Variants in ANKRD30BL observed in about 807,000 individuals in gnomAD.
ANKRD30BL encodes the protein ankyrin repeat domain 30B like, also known as putative ankyrin repeat domain-containing protein 30B-like.
Under a neutral mutation model 18.4 loss-of-function variants are expected in ANKRD30BL, and 20 were observed. That is an observed-to-expected ratio of 1.09 (90% CI 0.77 to 1.58). The LOEUF is 1.58. Ranked by LOEUF, ANKRD30BL falls within the 40% of genes most tolerant of loss-of-function variation. The pLI, the probability that ANKRD30BL is intolerant of heterozygous loss-of-function variation, is 0.00. For missense variants in ANKRD30BL, 224 were observed against 268.6 expected (o/e 0.83, Z 1.16); for synonymous variants, 72 against 100.9 (o/e 0.71, Z 1.72).
intron 1 of ANKRD30BL, among the ~76,000 whole-genome samples, chr2:132,191,304 T>C (rs1678844738): frequency 6.6e-6 from 1 of 152,224 alleles, no homozygotes; most frequent in Non-Finnish European, 1.5e-5. Context: ...GTTTATCCTT[T>C]AGCCTGTTGG....
chr2:132,201,258 C>G (rs1255719336), intron 1 of ANKRD30BL, among the ~76,000 whole-genome samples: 1 of 152,110 alleles, frequency 6.6e-6, no homozygotes, highest in Non-Finnish European at 1.5e-5. Flanking sequence ...GTCTAAAACA[C>G]CAAAAGCAAT....
chr2:132,255,509 A>G lies in ANKRD30BL; in HGVS notation n.441+2020T>C, dbSNP rs535107057. Among the ~76,000 whole-genome samples, 3 of 151,648 alleles carry G rather than the reference A, an allele frequency of 2.0e-5. 1 individual carries two copies. Among genetic ancestry groups the G allele is most frequent in the Admixed American group, 6.6e-5 (1 of 15,186 alleles). ...GCTCGCTAGCCCACCCGCTCCCAAG[A>G]TTCAACTACGAGCTTTTTAACTGCA... On this transcript the variant is annotated intron_variant and non_coding_transcript_variant, in intron 1 of 4. Transcript: ENST00000470729.
chr2:132,236,779 A>G (rs1215964886), intron 1 of ANKRD30BL, among the ~76,000 whole-genome samples: 5 of 152,112 alleles, frequency 3.3e-5, no homozygotes, highest in Non-Finnish European at 7.3e-5. Context: ...TACTGGGTAT[A>G]TACCCAAAGG....
chr2:132,213,954 T>C (rs1679423221), intron 1 of ANKRD30BL, among the ~76,000 whole-genome samples: 2 of 150,556 alleles, frequency 1.3e-5, no homozygotes, highest in South Asian at 4.2e-4. Flanking sequence ...ACATTTGGAG[T>C]ACTTTGAGGG....
chr2:132,211,968 T>C (rs1305994432), intron 1 of ANKRD30BL, among the ~76,000 whole-genome samples: 8 of 152,114 alleles, frequency 5.3e-5, no homozygotes, highest in South Asian at 4.1e-4. Flanking sequence ...TGCATTCATC[T>C]CACAGAGTTC....
intron 1 of ANKRD30BL, among the ~76,000 whole-genome samples, chr2:132,226,311 T>A (rs1263327069): frequency 4.5e-5 from 6 of 134,766 alleles, no homozygotes; most frequent in South Asian, 4.3e-4. Flanking sequence ...GCAAGTGGAT[T>A]CTTGGAGCGC....
chr2:132,149,459 T>C (rs933436085), intron 5 of ANKRD30BL, among the ~76,000 whole-genome samples: 4 of 152,212 alleles, frequency 2.6e-5, no homozygotes, highest in African/African-American at 9.6e-5. Context: ...CAAGACTATG[T>C]AACATAACCT....
intron 1 of ANKRD30BL, among the ~76,000 whole-genome samples, chr2:132,196,150 AAAAAAG>A (rs1244278139): frequency 2.6e-5 from 4 of 151,560 alleles, no homozygotes; most frequent in Non-Finnish European, 5.9e-5. Flanking sequence ...TCAAAAAAAA[AAAAAAG>A]AAAAAGAAAA....
At chr2:132,244,888 C>T (rs1040687966) in intron 1 of ANKRD30BL, among the ~76,000 whole-genome samples, 5 of 152,270 alleles carry the variant, frequency 3.3e-5, no homozygotes, top group Non-Finnish European at 5.9e-5. Context: ...TGCAAGTGGA[C>T]ATTTGGAGCG....
intron 1 of ANKRD30BL, among the ~76,000 whole-genome samples, chr2:132,232,906 A>C (rs1680062000): frequency 6.6e-6 from 1 of 152,162 alleles, no homozygotes. Context: ...AGTTGAAATG[A>C]AGGAAAAAAT....
intron 1 of ANKRD30BL, among the ~76,000 whole-genome samples, chr2:132,242,672 T>C (rs1209971602): frequency 1.3e-5 from 2 of 151,818 alleles, no homozygotes; most frequent in Non-Finnish European, 2.9e-5. Context: ...CAAGTGGATA[T>C]TTGGATAGGT....
chr2:132,233,859 C>G (rs1266968414), intron 1 of ANKRD30BL, among the ~76,000 whole-genome samples: 1 of 151,906 alleles, frequency 6.6e-6, no homozygotes, highest in Admixed American at 6.6e-5. Flanking sequence ...ACAGAACTCT[C>G]CACCCCAAAT....
chr2:132,156,179 T>C (rs1687899251), intron 3 of ANKRD30BL: 1 of 148,754 alleles, frequency 6.7e-6, no homozygotes, highest in African/African-American at 2.4e-5. Context: ...GAGAAAGATA[T>C]AATATTTTTT....
chr2:132,207,981 C>T (rs1485912521), intron 1 of ANKRD30BL, among the ~76,000 whole-genome samples: 1 of 151,500 alleles, frequency 6.6e-6, no homozygotes. Flanking sequence ...AATTGTTTCT[C>T]AAAAAAGGAG....
chr2:132,154,727 A>T lies in ANKRD30BL; in HGVS notation c.549T>A (p.Ser183Arg). The T allele has an allele frequency of 1.4e-6, 1 of 733,208 alleles. No homozygotes were observed. The highest frequency in any genetic ancestry group is 2.6e-5 in the East Asian group (1 of 38,800). 45.4% of individuals were successfully genotyped at this position (733,208 alleles called of 1,614,324 possible). Reference protein sequence around the residue: ...TPLLLAIRKRSEEIVEFLLTK... With the variant: ...TPLLLAIRKRREEIVEFLLTK... ...TCAGTAAAAATTCCACAATTTCCTC[A>T]CTTCTTTTCCTTATGGCCAGTAAAA... Residue 183 changes from serine to arginine, a missense_variant, in exon 4 of 6, where the codon AGT becomes AGA. Physicochemically the swap from Ser to Arg is moderately radical, Grantham distance 110. Around this residue, in one of 3 missense-constraint regions of ANKRD30BL, gnomAD observed 63 missense variants for 62.3 expected, o/e 1.01. Coordinates refer to ENST00000409867, the MANE Select transcript of ANKRD30BL (RefSeq NM_001358416.1).
At chr2:132,196,109 G>A (rs1022348294) in intron 1 of ANKRD30BL, among the ~76,000 whole-genome samples, 3 of 147,802 alleles carry the variant, frequency 2.0e-5, no homozygotes, top group Admixed American at 1.4e-4. Flanking sequence ...GCCACTGCAC[G>A]CCAGCCTGGG....
intron 1 of ANKRD30BL, among the ~76,000 whole-genome samples, chr2:132,243,376 G>A (rs1342140854): frequency 6.6e-6 from 1 of 151,144 alleles, no homozygotes; most frequent in Non-Finnish European, 1.5e-5. Flanking sequence ...GAGACCTATG[G>A]TTGAAAAGTA....
At chr2:132,254,899 GAGC>G in intron 1 of ANKRD30BL, among the ~76,000 whole-genome samples, 1 of 152,334 alleles carries the variant, frequency 6.6e-6, no homozygotes, top group African/African-American at 2.4e-5. Flanking sequence ...AATCGAGAAA[GAGC>G]TATCAATCTG....
intron 1 of ANKRD30BL, among the ~76,000 whole-genome samples, chr2:132,198,268 T>C (rs372791356): frequency 1.1e-3 from 124 of 109,796 alleles, no homozygotes; most frequent in Non-Finnish European, 1.5e-3. Flanking sequence ...TCTTTCTTTC[T>C]TTTCTTTCTT....
Sources: allele counts gnomAD v4.1 joint callset (sites outside exome capture counted in the v4.1 genomes callset), GRCh38; gene constraint gnomAD v4.1.1; regional missense constraint gnomAD v4.1.1; transcripts MANE v1.5; gene names NCBI Gene and HGNC (gene_info 2026-07-23, HGNC 2026-07-21).